SEMA5A: variants seen among roughly 807,000 people sequenced by gnomAD.
SEMA5A encodes semaphorin-5A.
SEMA5A carries 55 observed loss-of-function variants against 135.5 expected under a neutral mutation model. The ratio of observed to expected loss-of-function variants is 0.41; its 90% CI spans 0.33 to 0.51. The LOEUF (loss-of-function observed/expected upper bound fraction) is 0.51, where lower values mean the gene tolerates loss of function less well. SEMA5A is among the 20% of genes least tolerant of loss of function. The probability of loss-of-function intolerance (pLI) is 0.37; values close to 1 mark genes in which losing one functional copy is unlikely to be tolerated. For synonymous variants in SEMA5A, 580 were observed against 546.5 expected (o/e 1.06, Z -0.85); for missense variants, 1,290 against 1,419.9 (o/e 0.91, Z 1.47).
At chr5:9,263,016 C>G (rs1438312297) in intron 5 of SEMA5A, among the ~76,000 whole-genome samples, 2 of 144,034 alleles carry the variant, frequency 1.4e-5, no homozygotes, top group Admixed American at 1.4e-4. Flanking sequence ...AATGATTTGG[C>G]AAGCTAAATC....
intron 8 of SEMA5A, among the ~76,000 whole-genome samples, chr5:9,206,003 A>G (rs1260157237): frequency 7.9e-5 from 12 of 152,134 alleles, no homozygotes; most frequent in Admixed American, 7.2e-4. Context: ...GAAGTAGGGG[A>G]TGTTAGAGTC....
At chr5:9,539,279 T>C (rs1737948703) in intron 1 of SEMA5A, among the ~76,000 whole-genome samples, 1 of 152,244 alleles carries the variant, frequency 6.6e-6, no homozygotes, top group Non-Finnish European at 1.5e-5. Context: ...TATTGCAGCA[T>C]ATATCAAGAG....
At chr5:9,351,236 A>C (rs1406652526) in intron 3 of SEMA5A, among the ~76,000 whole-genome samples, 1 of 152,140 alleles carries the variant, frequency 6.6e-6, no homozygotes, top group Non-Finnish European at 1.5e-5. Context: ...ATGAGTTATA[A>C]TAGGCATGTG....
chr5:9,053,908 A>G (rs756858581), intron 19 of SEMA5A, 179 bp downstream of exon 19: 4 of 594,174 alleles, frequency 6.7e-6, no homozygotes, highest in Non-Finnish European at 1.1e-5. Flanking sequence ...GCTCAGTGAG[A>G]ACTATTTTAT....
intron 8 of SEMA5A, among the ~76,000 whole-genome samples, chr5:9,206,937 A>G (rs995663785): frequency 2.7e-5 from 4 of 148,280 alleles, no homozygotes; most frequent in Non-Finnish European, 4.5e-5. Context: ...GGTGGCTATT[A>G]TTATTTTGGC....
chr5:9,268,942 C>T lies in SEMA5A; in HGVS notation c.271-31052G>A, dbSNP rs73048616. On this transcript the variant is annotated intron_variant, in intron 5 of 22. Transcript: ENST00000382496. ...TTTGTTTTAGAAATGATGACAATTTCCAGATCAAGAGCTAGGAAGGCATAC... is the reference window on the plus strand; with the variant it reads ...TTTGTTTTAGAAATGATGACAATTTTCAGATCAAGAGCTAGGAAGGCATAC... Among the ~76,000 whole-genome samples, 859 of 152,116 alleles carry T rather than the reference C, an allele frequency of 5.6e-3. 10 individuals carry two copies. Among genetic ancestry groups the T allele is most frequent in the African/African-American group, 0.02 (820 of 41,510 alleles).
intron 12 of SEMA5A, among the ~76,000 whole-genome samples, chr5:9,152,894 A>C (rs1003129717): frequency 2.6e-5 from 4 of 152,156 alleles, no homozygotes; most frequent in African/African-American, 9.7e-5. Flanking sequence ...CAACATGGTG[A>C]AACCCTGTCT....
At chr5:9,536,301 T>C (rs1426483094) in intron 1 of SEMA5A, among the ~76,000 whole-genome samples, 1 of 152,088 alleles carries the variant, frequency 6.6e-6, no homozygotes, top group Non-Finnish European at 1.5e-5. Flanking sequence ...AAAGGGTATC[T>C]GAAGAGCAGC....
intron 4 of SEMA5A, among the ~76,000 whole-genome samples, chr5:9,321,444 G>A (rs183909204): frequency 1.9e-4 from 29 of 152,230 alleles, no homozygotes; most frequent in Middle Eastern, 3.4e-3. Context: ...TCTGCTATGG[G>A]AGTCAGCATT....
chr5:9,305,066 G>T (rs926391889), intron 5 of SEMA5A, among the ~76,000 whole-genome samples: 5 of 152,022 alleles, frequency 3.3e-5, no homozygotes, highest in African/African-American at 4.8e-5. Context: ...AAGGCCCGCC[G>T]CACAACAGTT....
intron 5 of SEMA5A, among the ~76,000 whole-genome samples, chr5:9,238,133 G>A (rs897810083): frequency 6.6e-6 from 1 of 152,122 alleles, no homozygotes; most frequent in Admixed American, 6.5e-5. Context: ...GTAATGATGG[G>A]ATGCTTAGAT....
intron 5 of SEMA5A, among the ~76,000 whole-genome samples, chr5:9,311,849 T>C (rs529357215): frequency 6.6e-6 from 1 of 152,232 alleles, no homozygotes; most frequent in South Asian, 2.1e-4. Flanking sequence ...GAGATTTAAG[T>C]TTTCAATTTA....
intron 2 of SEMA5A, among the ~76,000 whole-genome samples, chr5:9,416,093 A>G (rs1262930539): frequency 6.6e-6 from 1 of 152,176 alleles, no homozygotes; most frequent in Non-Finnish European, 1.5e-5. Flanking sequence ...ACCCTATGCT[A>G]TTTAGAGAGA....
rs1378151075 is a variant in SEMA5A, at chr5:9,353,098, G to GAAAGGAAAGGAAAGGAAAGGAAAGGGA, written c.125-15287_125-15286insTCCCTTTCCTTTCCTTTCCTTTCCTTT. On this transcript the variant is annotated intron_variant, in intron 3 of 22. Coordinates refer to ENST00000382496, the MANE Select transcript of SEMA5A (RefSeq NM_003966.3). ...GGAAAGGAAAGGAAAGGAAAGGAAGGAAGGAAAGGAAAGGAAAGGAAAGGA... is the reference window on the plus strand; with the variant it reads ...GGAAAGGAAAGGAAAGGAAAGGAAGGAAAGGAAAGGAAAGGAAAGGAAAGGGAAAGGAAAGGAAAGGAAAGGAAAGGA... Among the ~76,000 whole-genome samples the GAAAGGAAAGGAAAGGAAAGGAAAGGGA allele has an allele frequency of 7.8e-4, 17 of 21,792 alleles. 3 individuals are homozygous for GAAAGGAAAGGAAAGGAAAGGAAAGGGA. Among genetic ancestry groups the GAAAGGAAAGGAAAGGAAAGGAAAGGGA allele is most frequent in the Admixed American group, 2.4e-3 (3 of 1,256 alleles). The allele number at this position is 21,792 out of a possible 152,430, so 14.3% of individuals were successfully genotyped here. A position where few individuals can be genotyped will look rare whatever the true frequency, so the allele number is the denominator to read the frequency against.
At chr5:9,302,509 G>A (rs1751659535) in intron 5 of SEMA5A, among the ~76,000 whole-genome samples, 2 of 152,140 alleles carry the variant, frequency 1.3e-5, no homozygotes, top group South Asian at 4.1e-4. Flanking sequence ...ACAGATAGTG[G>A]TAGAAACAGC....
intron 3 of SEMA5A, among the ~76,000 whole-genome samples, chr5:9,368,572 A>G (rs1755009381): frequency 6.6e-6 from 1 of 152,210 alleles, no homozygotes; most frequent in Admixed American, 6.5e-5. Flanking sequence ...CCTTGACCCT[A>G]TATCCAGGCA....
rs1225365074 is a variant in SEMA5A at position 9,197,782 on chromosome 5, GTGTTTT to G, written c.933-485_933-480del. The stretch of plus-strand genomic sequence containing the variant: ...TGTGTGTGTGTGTGTGTGTGTGTGT[GTGTTTT>G]AACCCAGATATTTGTTTTATTTGTC... On this transcript the variant is annotated intron_variant, in intron 9 of 22. Coordinates refer to ENST00000382496, the MANE Select transcript of SEMA5A (RefSeq NM_003966.3). 7.9e-3 allele frequency among the ~76,000 whole-genome samples: 875 copies of G among 110,968 alleles called. 22 individuals are homozygous for G. The highest frequency in any genetic ancestry group is 0.073 in the East Asian group (223 of 3,040). 72.8% of individuals were successfully genotyped at this position (110,968 alleles called of 152,430 possible).
chr5:9,464,458 C>T (rs923663329), intron 1 of SEMA5A, among the ~76,000 whole-genome samples: 1 of 152,184 alleles, frequency 6.6e-6, no homozygotes, highest in African/African-American at 2.4e-5. Context: ...ACTGTTTACA[C>T]TTTCCTACTG....
intron 3 of SEMA5A, among the ~76,000 whole-genome samples, chr5:9,372,573 A>G (rs948098497): frequency 6.6e-6 from 1 of 151,990 alleles, no homozygotes; most frequent in African/African-American, 2.4e-5. Flanking sequence ...GAGCTGTGGG[A>G]CACACATGGA....
Sources: gnomAD v4.1 joint callset for allele counts (sites outside exome capture counted in the v4.1 genomes callset) on GRCh38, gnomAD v4.1.1 for gene constraint, MANE v1.5 for transcripts, NCBI Gene and HGNC (gene_info 2026-07-23, HGNC 2026-07-21) for gene names.